PLD5: variants seen among roughly 807,000 people sequenced by gnomAD.
The protein encoded by PLD5 is inactive phospholipase D5.
In PLD5, 36 loss-of-function variants were observed where a neutral mutation model predicts 61.1. The ratio of observed to expected loss-of-function variants is 0.59; its 90% CI spans 0.45 to 0.78. The LOEUF (loss-of-function observed/expected upper bound fraction) is 0.78, where lower values mean the gene tolerates loss of function less well. PLD5 is among the 30% of genes least tolerant of loss of function. The pLI is 0.00. For missense variants in PLD5, 515 were observed against 644.4 expected (o/e 0.80, Z 2.17); for synonymous variants, 243 against 242.8 (o/e 1.00, Z -0.01).
intron 1 of PLD5, among the ~76,000 whole-genome samples, chr1:242,395,060 T>C (rs1266118600): frequency 2.9e-5 from 3 of 104,208 alleles, no homozygotes; most frequent in Non-Finnish European, 5.5e-5. Flanking sequence ...TGAATATATA[T>C]GTATATATAT....
At chr1:242,243,575 T>A (rs990660109) in intron 4 of PLD5, among the ~76,000 whole-genome samples, 2 of 152,198 alleles carry the variant, frequency 1.3e-5, no homozygotes, top group Non-Finnish European at 2.9e-5. Context: ...GGTAGTTCTA[T>A]GTACATGGCA....
chr1:242,155,474 C>T (rs1174846419), intron 5 of PLD5, among the ~76,000 whole-genome samples: 1 of 152,084 alleles, frequency 6.6e-6, no homozygotes, highest in Admixed American at 6.6e-5. Flanking sequence ...CCTGCTTTCT[C>T]TTGTGGGCAT....
At chr1:242,453,387 G>A (rs758278557) in intron 1 of PLD5, among the ~76,000 whole-genome samples, 4 of 152,172 alleles carry the variant, frequency 2.6e-5, no homozygotes, top group Non-Finnish European at 5.9e-5. Flanking sequence ...GCCTAAATAG[G>A]CTAAGACAAA....
At chr1:242,252,446 C>T (rs545866258) in intron 4 of PLD5, among the ~76,000 whole-genome samples, 1 of 152,148 alleles carries the variant, frequency 6.6e-6, no homozygotes, top group South Asian at 2.1e-4. Flanking sequence ...GTCATGGTGG[C>T]CCACACCTGT....
At chr1:242,382,210 T>C (rs2149256734) in intron 1 of PLD5, among the ~76,000 whole-genome samples, 1 of 151,652 alleles carries the variant, frequency 6.6e-6, no homozygotes, top group South Asian at 2.1e-4. Context: ...ATTTTGGAAG[T>C]TTTATATGAG....
At chr1:242,160,885 A>AAAAAATAATAATTAAAAAAAGTTT (rs1264773678) in intron 5 of PLD5, among the ~76,000 whole-genome samples, 8 of 152,004 alleles carry the variant, frequency 5.3e-5, no homozygotes, top group African/African-American at 1.9e-4. Flanking sequence ...AATCCATCTC[A>AAAAAATAATAATTAAAAAAAGTTT]AAAAATAATA....
At chr1:242,112,667 A>G (rs1241158898) in intron 7 of PLD5, among the ~76,000 whole-genome samples, 1 of 152,164 alleles carries the variant, frequency 6.6e-6, no homozygotes, top group Non-Finnish European at 1.5e-5. Context: ...CCTACTATGC[A>G]TTATGTAGGG....
At position 242,152,013 on chromosome 1, in the gene PLD5, C is replaced by CT. The variant is rs113279302; in HGVS notation, c.736-27349dup. The stretch of plus-strand genomic sequence containing the variant: ...ACATTCACACATTCAATATGTAGAA[C>CT]TTTTTTTTTTTTCAGTGCTGCAAAG... On this transcript the variant is annotated intron_variant, in intron 5 of 9. Coordinates refer to ENST00000536534, the MANE Select transcript of PLD5 (RefSeq NM_001372062.1). Among the ~76,000 whole-genome samples the CT allele has an allele frequency of 6.3e-3, 919 of 146,418 alleles. 18 individuals are homozygous for CT. The highest frequency in any genetic ancestry group is 0.058 in the East Asian group (290 of 5,026).
intron 5 of PLD5, among the ~76,000 whole-genome samples, chr1:242,182,527 A>C (rs535113808): frequency 6.6e-6 from 1 of 152,284 alleles, no homozygotes; most frequent in East Asian, 1.9e-4. Context: ...TCCCAAATAC[A>C]ATCAAGGGCA....
chr1:242,494,045 T>C (rs1046987604), intron 1 of PLD5, among the ~76,000 whole-genome samples: 1 of 150,856 alleles, frequency 6.6e-6, no homozygotes, highest in African/African-American at 2.5e-5. Flanking sequence ...TTTGCATTGG[T>C]ATGCTTCATG....
chr1:242,093,314 G>A (rs545192653), intron 9 of PLD5, among the ~76,000 whole-genome samples: 4 of 152,248 alleles, frequency 2.6e-5, no homozygotes, highest in Non-Finnish European at 4.4e-5. Flanking sequence ...CCCCTGCCAG[G>A]CAGTATCTTC....
At chr1:242,259,529 G>A (rs763711501) in intron 4 of PLD5, among the ~76,000 whole-genome samples, 5 of 152,102 alleles carry the variant, frequency 3.3e-5, no homozygotes, top group Middle Eastern at 3.4e-3. Flanking sequence ...AGACTGAAAC[G>A]AGATATTTCA....
At chr1:242,456,439 T>C (rs1280467260) in intron 1 of PLD5, among the ~76,000 whole-genome samples, 1 of 152,200 alleles carries the variant, frequency 6.6e-6, no homozygotes. Flanking sequence ...TGCCCATCAT[T>C]GCAGAACTTT....
intron 1 of PLD5, among the ~76,000 whole-genome samples, chr1:242,438,392 T>G (rs1666107679): frequency 6.6e-6 from 1 of 151,012 alleles, no homozygotes; most frequent in Non-Finnish European, 1.5e-5. Context: ...GTCTCCCAAA[T>G]AGCTGGGACT....
chr1:242,428,629 C>T (rs1389659783), intron 1 of PLD5, among the ~76,000 whole-genome samples: 24 of 152,132 alleles, frequency 1.6e-4, no homozygotes, highest in African/African-American at 4.6e-4. Context: ...CACAGTTAAC[C>T]TAAGCAGCTG....
intron 5 of PLD5, among the ~76,000 whole-genome samples, chr1:242,132,122 C>T (rs1023724668): frequency 2.1e-5 from 3 of 141,556 alleles, no homozygotes; most frequent in Non-Finnish European, 3.0e-5. Context: ...TGAGCCACCA[C>T]GCCCAGACTT....
chr1:242,182,115 G>C (rs2148903684), intron 5 of PLD5, among the ~76,000 whole-genome samples: 1 of 152,280 alleles, frequency 6.6e-6, no homozygotes, highest in Non-Finnish European at 1.5e-5. Flanking sequence ...ATATTTTAAA[G>C]GGAGAACTCA....
intron 4 of PLD5, among the ~76,000 whole-genome samples, chr1:242,224,435 T>G (rs1670800044): frequency 6.6e-6 from 1 of 152,190 alleles, no homozygotes. Context: ...CAGATTTTTT[T>G]TCTATAGTTA....
At chr1:242,147,710 TATTCTA>T (rs776586597) in intron 5 of PLD5, among the ~76,000 whole-genome samples, 15 of 152,334 alleles carry the variant, frequency 9.8e-5, no homozygotes, top group Non-Finnish European at 1.8e-4. Flanking sequence ...ATATTTTAGT[TATTCTA>T]ATAGCTGTGC....
Sources: gnomAD v4.1 joint callset for allele counts (sites outside exome capture counted in the v4.1 genomes callset) on GRCh38, gnomAD v4.1.1 for gene constraint, MANE v1.5 for transcripts, NCBI Gene and HGNC (gene_info 2026-07-23, HGNC 2026-07-21) for gene names.